TNRC18: variants seen among roughly 807,000 people sequenced by gnomAD.
TNRC18 encodes the protein trinucleotide repeat containing 18.
In TNRC18, 69 loss-of-function variants were observed where a neutral mutation model predicts 226.7. The observed-to-expected ratio is 0.30, with a 90% CI of 0.25 to 0.37. TNRC18 has a LOEUF of 0.37. Ranked by LOEUF, TNRC18 falls within the 10% of genes least tolerant of loss-of-function variation. The pLI is 1.00. For synonymous variants in TNRC18, 2,449 were observed against 1,927.6 expected (o/e 1.27, Z -7.09); for missense variants, 4,754 against 4,256.6 (o/e 1.12, Z -3.25).
intron 2 of TNRC18, among the ~76,000 whole-genome samples, chr7:5,399,912 G>C (rs1780964959): frequency 6.6e-6 from 1 of 151,746 alleles, no homozygotes; most frequent in Admixed American, 6.6e-5. Context: ...CGTGGTGGCA[G>C]GCGCCTATAG....
chr7:5,333,027 G>A lies in TNRC18; in HGVS notation c.5742C>T (p.Asp1914=), dbSNP rs1337158812. 3 of 1,578,350 alleles carry A rather than the reference G, an allele frequency of 1.9e-6. No individual in the cohort carries two copies. Among genetic ancestry groups the A allele is most frequent in the East Asian group, 4.5e-5 (2 of 43,976 alleles). The stretch of plus-strand genomic sequence containing the variant: ...TGCGCACCTTGACCTCGCTCTCTGA[G>A]TCGGTGTACTCGAACTCTGTGCCTG... ...SLLGTEFEYT[D]SESEVKVRKR... The change falls in exon 19 of 30, where the codon GAC becomes GAT. Residue 1914 remains aspartate, a synonymous_variant. Coordinates refer to ENST00000430969, the MANE Select transcript of TNRC18 (RefSeq NM_001080495.3).
chr7:5,327,644 C>G (rs921648311), intron 19 of TNRC18, among the ~76,000 whole-genome samples: 1 of 152,020 alleles, frequency 6.6e-6, no homozygotes, highest in Non-Finnish European at 1.5e-5. Context: ...TTTTTCTTTT[C>G]TTTATCTTCC....
intron 26 of TNRC18, 119 bp downstream of exon 26, chr7:5,314,865 A>G (rs1189286310): frequency 2.6e-6 from 3 of 1,157,278 alleles, no homozygotes; most frequent in African/African-American, 1.6e-5. Flanking sequence ...GAGGCACTGC[A>G]CCCGGCTCAG....
At chr7:5,339,749 T>C (rs1370586987) in intron 18 of TNRC18, among the ~76,000 whole-genome samples, 4 of 151,568 alleles carry the variant, frequency 2.6e-5, no homozygotes, top group Admixed American at 6.6e-5. Flanking sequence ...TTTGTATTTT[T>C]AGTAGAGATG....
chr7:5,346,242 G>A (rs993736651), intron 17 of TNRC18, among the ~76,000 whole-genome samples: 1 of 152,176 alleles, frequency 6.6e-6, no homozygotes, highest in Non-Finnish European at 1.5e-5. Context: ...GGGCCCTGGG[G>A]ACTCAGGCTA....
In TNRC18 at chr7:5,422,337, C is replaced by A. The variant is rs571497037; in HGVS notation, c.-243-848G>T. On this transcript the variant is annotated intron_variant, in intron 1 of 29. Coordinates refer to ENST00000430969, the MANE Select transcript of TNRC18 (RefSeq NM_001080495.3). ...TCGCTCCTACTCTAGCTTCCCCCCC[C>A]ACAACCACCCCCCAAAATAACCTAC... 2.1e-3 allele frequency among the ~76,000 whole-genome samples: 296 copies of A among 141,066 alleles called. 1 individual carries two copies. The highest frequency in any genetic ancestry group is 5.3e-3 in the African/African-American group (209 of 39,166). The allele number at this position is 141,066 out of a possible 152,430, so 92.5% of individuals were successfully genotyped here. A position where few individuals can be genotyped will look rare whatever the true frequency, so the allele number is the denominator to read the frequency against.
chr7:5,337,693 C>T (rs999248341), intron 18 of TNRC18, among the ~76,000 whole-genome samples: 1 of 152,088 alleles, frequency 6.6e-6, no homozygotes, highest in Non-Finnish European at 1.5e-5. Flanking sequence ...ATGATTAAAA[C>T]TAAGTTTGTG....
intron 2 of TNRC18, among the ~76,000 whole-genome samples, chr7:5,416,795 C>T (rs975826657): frequency 1.3e-5 from 2 of 151,782 alleles, no homozygotes; most frequent in Non-Finnish European, 2.9e-5. Flanking sequence ...AGTTCGAGAC[C>T]AGCTGGACAA....
rs747619169 is a variant in TNRC18 at position 5,313,178 on chromosome 7, G to GCTGCTGCTA, written c.7704_7712dup (p.Ser2575_Ser2577dup). The GCTGCTGCTA allele has an allele frequency of 1.9e-5, 29 of 1,543,528 alleles. No homozygotes were observed. The South Asian group carries it at 2.4e-4, about 13-fold the overall frequency. On this transcript the variant is annotated inframe_insertion, in exon 27 of 30. Transcript: ENST00000430969. ...CCGAGCCGCTGCTGCTGCTGCTGCT[G>GCTGCTGCTA]CTGCTGCTACTGCTGCCACTACTGC...
rs1488299135 is a variant in TNRC18, at chr7:5,414,196, C to T, written c.187+6864G>A. On this transcript the variant is annotated intron_variant, in intron 2 of 29. Transcript: ENST00000430969. ...TCCTGACCTCAGGTGATCCGCCCACCTCAGACTCCCAAAGTGCCGGGATTA... is the reference window on the plus strand; with the variant it reads ...TCCTGACCTCAGGTGATCCGCCCACTTCAGACTCCCAAAGTGCCGGGATTA... 2.0e-5 allele frequency among the ~76,000 whole-genome samples: 3 copies of T among 152,170 alleles called. No homozygotes were observed. The East Asian group carries it at 5.8e-4, about 29-fold the overall frequency.
At chr7:5,412,073 G>A (rs1781877477) in intron 2 of TNRC18, among the ~76,000 whole-genome samples, 1 of 151,838 alleles carries the variant, frequency 6.6e-6, no homozygotes, top group Non-Finnish European at 1.5e-5. Context: ...TGTAGTCCTA[G>A]CTACTTAGGA....
Position 5,394,360 on chromosome 7 carries a change from C to T in TNRC18, c.343+80G>A, listed in dbSNP as rs62443189. On this transcript the variant is annotated intron_variant, in intron 3 of 29. Coordinates refer to ENST00000430969, the MANE Select transcript of TNRC18 (RefSeq NM_001080495.3). This position sits in a 1 kb window ranked among gnomAD's most constrained non-coding sequence, Gnocchi z 4.5. ...ACCAGCCCCAGCTCAGCGATGACAA[C>T]AGAGGGGCACATGAAGTGGCCAGAG... is the stretch of plus-strand genomic sequence containing the variant. The T allele has an allele frequency of 2.9e-6, 4 of 1,362,552 alleles. No homozygotes were observed. The African/African-American group carries it at 4.5e-5, about 15-fold the overall frequency. 84.4% of individuals were successfully genotyped at this position (1,362,552 alleles called of 1,614,324 possible). A position where few individuals can be genotyped will look rare whatever the true frequency, so the allele number is the denominator to read the frequency against.
chr7:5,345,919 T>C (rs1349360935), intron 17 of TNRC18, 109 bp from the exon 18 acceptor site: 21 of 1,420,272 alleles, frequency 1.5e-5, no homozygotes, highest in Admixed American at 1.1e-4. Flanking sequence ...AGTCCCTCAG[T>C]CCTGAGCAGG....
intron 5 of TNRC18, among the ~76,000 whole-genome samples, chr7:5,383,289 T>A (rs564736711): frequency 7.9e-5 from 12 of 152,262 alleles, no homozygotes; most frequent in African/African-American, 2.9e-4. Context: ...CTGTCCTTCA[T>A]CCATCTCAAG....
chr7:5,313,262 G>C lies in TNRC18; in HGVS notation c.7629C>G (p.Ser2543Arg). 6.5e-7 allele frequency: 1 copy of C among 1,548,756 alleles called. No individual in the cohort carries two copies. Among genetic ancestry groups the C allele is most frequent in the Non-Finnish European group, 8.7e-7 (1 of 1,146,640 alleles). ...LTFEDSGNPKSPDKAQAEQDG... is the reference protein window; with the variant it reads ...LTFEDSGNPKRPDKAQAEQDG... ...CCTGCTCAGCCTGGGCCTTGTCTGG[G>C]CTCTTGGGGTTCCCAGAGTCCTCGA... is the stretch of plus-strand genomic sequence containing the variant. Residue 2543 changes from serine to arginine, a missense_variant, in exon 27 of 30, where the codon AGC becomes AGG. Coordinates refer to ENST00000430969, the MANE Select transcript of TNRC18 (RefSeq NM_001080495.3).
chr7:5,401,217 T>C lies in TNRC18; in HGVS notation c.188-6622A>G, dbSNP rs531260852. Among the ~76,000 whole-genome samples, 56 of 58,522 alleles carry C rather than the reference T, an allele frequency of 9.6e-4. 1 individual carries two copies. Among genetic ancestry groups the C allele is most frequent in the Non-Finnish European group, 1.4e-3 (46 of 32,888 alleles). 38.4% of individuals were successfully genotyped at this position (58,522 alleles called of 152,430 possible). ...TATGGTGGGCACCTGAAGTCCTCCC[T>C]GGTTCGAGTCGGGGGGGGGCGGGGG... On this transcript the variant is annotated intron_variant, in intron 2 of 29. Transcript: ENST00000430969.
intron 2 of TNRC18, among the ~76,000 whole-genome samples, chr7:5,417,431 T>C (rs538292396): frequency 1.4e-5 from 2 of 142,332 alleles, no homozygotes; most frequent in South Asian, 2.3e-4. Flanking sequence ...GATCACGCTA[T>C]TGCATTCCAG....
intron 13 of TNRC18, 32 bp from the exon 14 acceptor site, chr7:5,361,754 C>G (rs1194615054): frequency 1.3e-6 from 2 of 1,554,556 alleles, no homozygotes; most frequent in African/African-American, 2.7e-5. Flanking sequence ...GGCTGTGACG[C>G]TGGGGGGCGG....
chr7:5,355,723 T>C (rs1042794808), intron 16 of TNRC18, among the ~76,000 whole-genome samples: 4 of 151,546 alleles, frequency 2.6e-5, no homozygotes, highest in African/African-American at 9.7e-5. Flanking sequence ...TACAAAAAAT[T>C]TTAAAAATTA....
Sources: gnomAD v4.1 joint callset for allele counts (sites outside exome capture counted in the v4.1 genomes callset) on GRCh38, gnomAD v4.1.1 for gene constraint, Gnocchi (gnomAD v3.1) non-coding constraint, MANE v1.5 for transcripts, NCBI Gene and HGNC (gene_info 2026-07-23, HGNC 2026-07-21) for gene names.